The following PTPRN2 variants were observed in gnomAD, a reference collection of about 807,000 sequenced individuals.
The protein encoded by PTPRN2 is protein tyrosine phosphatase receptor type N2.
Under a neutral mutation model 118.8 loss-of-function variants are expected in PTPRN2, and 74 were observed. The observed-to-expected ratio is 0.62, with a 90% CI of 0.52 to 0.76. PTPRN2 has a LOEUF of 0.76. Ranked by LOEUF, PTPRN2 falls within the 30% of genes least tolerant of loss-of-function variation. The probability of loss-of-function intolerance (pLI) is 0.00; values close to 1 mark genes in which losing one functional copy is unlikely to be tolerated. For missense variants in PTPRN2, 1,481 were observed against 1,394.4 expected (o/e 1.06, Z -0.99); for synonymous variants, 641 against 608.0 (o/e 1.05, Z -0.80).
At chr7:158,302,661 C>T (rs184581750) in intron 3 of PTPRN2, among the ~76,000 whole-genome samples, 6 of 152,336 alleles carry the variant, frequency 3.9e-5, no homozygotes, top group African/African-American at 9.6e-5. Context: ...TAAGATGGCA[C>T]GACTCACACG....
At chr7:158,109,197 C>T (rs930783429) in intron 10 of PTPRN2, among the ~76,000 whole-genome samples, 1 of 151,634 alleles carries the variant, frequency 6.6e-6, no homozygotes, top group Non-Finnish European at 1.5e-5. Context: ...TGACATCACC[C>T]CTGTGTGAAG....
intron 3 of PTPRN2, among the ~76,000 whole-genome samples, chr7:158,232,888 T>C (rs949100564): frequency 6.6e-6 from 1 of 152,124 alleles, no homozygotes; most frequent in Non-Finnish European, 1.5e-5. Context: ...CCCTTTATGA[T>C]AAAACACTCA....
intron 11 of PTPRN2, among the ~76,000 whole-genome samples, chr7:157,965,608 C>T (rs1801868528): frequency 6.6e-6 from 1 of 152,216 alleles, no homozygotes; most frequent in Non-Finnish European, 1.5e-5. Flanking sequence ...TGGCCCAGTG[C>T]CATGAGAACT....
At chr7:158,506,762 G>A (rs575502813) in intron 1 of PTPRN2, among the ~76,000 whole-genome samples, 37 of 151,890 alleles carry the variant, frequency 2.4e-4, no homozygotes, top group African/African-American at 6.5e-4. Flanking sequence ...ATGACAAGGC[G>A]GATGCCGGGG....
chr7:157,653,834 C>A (rs1805843601), intron 14 of PTPRN2, among the ~76,000 whole-genome samples: 1 of 149,000 alleles, frequency 6.7e-6, no homozygotes. Context: ...CACACGACGC[C>A]CGCCACTCCC....
chr7:157,982,392 G>A (rs1803323728), intron 11 of PTPRN2, among the ~76,000 whole-genome samples: 1 of 140,694 alleles, frequency 7.1e-6, no homozygotes, highest in Non-Finnish European at 1.5e-5. Flanking sequence ...GGAATGCAGA[G>A]TGCAGGGTCC....
chr7:157,555,928 G>A (rs930734536), intron 21 of PTPRN2, among the ~76,000 whole-genome samples: 4 of 152,198 alleles, frequency 2.6e-5, no homozygotes, highest in Non-Finnish European at 5.9e-5. Flanking sequence ...CCCAGGCTGC[G>A]ATGTTTCTGC....
At chr7:158,345,067 G>A (rs1320521295) in intron 2 of PTPRN2, among the ~76,000 whole-genome samples, 1 of 152,138 alleles carries the variant, frequency 6.6e-6, no homozygotes, top group African/African-American at 2.4e-5. Flanking sequence ...ATAAAATGTT[G>A]GGCCCCAGTG....
chr7:158,383,124 G>A (rs1032837589), intron 2 of PTPRN2, among the ~76,000 whole-genome samples: 3 of 152,160 alleles, frequency 2.0e-5, no homozygotes, highest in African/African-American at 4.8e-5. Context: ...ATTAACACAT[G>A]AGGGGCCCTG....
intron 12 of PTPRN2, among the ~76,000 whole-genome samples, chr7:157,896,307 A>G (rs1797112601): frequency 6.6e-6 from 1 of 152,110 alleles, no homozygotes. Context: ...CCTGGACATT[A>G]CAAGTGCCCA....
In PTPRN2 at chr7:157,889,288, C is replaced by T. The variant is rs572359412; in HGVS notation, c.1788+9385G>A. On this transcript the variant is annotated intron_variant, in intron 12 of 22. Transcript: ENST00000389418. ...AGGCTTCCTTCCCTGGGTTCAGACC[C>T]GCCTGGTTACCGCCCCCCTCTCAAC... Among the ~76,000 whole-genome samples the T allele has an allele frequency of 3.3e-3, 496 of 151,454 alleles. 1 individual carries two copies. The highest frequency in any genetic ancestry group is 5.5e-3 in the Non-Finnish European group (372 of 67,900).
chr7:157,785,055 G>A lies in PTPRN2; in HGVS notation c.1789-102118C>T, dbSNP rs1803939745. ...TCCACTTGTAACGGCTGTTACAGCC[G>A]CTGTTTCATCGCGTCGTCATAGGAG... On this transcript the variant is annotated intron_variant, in intron 12 of 22. Transcript: ENST00000389418. The surrounding 1 kb of genome is among the most constrained non-coding windows in gnomAD (Gnocchi z 7.3). Among the ~76,000 whole-genome samples the A allele has an allele frequency of 6.6e-6, 1 of 152,038 alleles. No individual in the cohort carries two copies. Among genetic ancestry groups the A allele is most frequent in the Admixed American group, 6.5e-5 (1 of 15,276 alleles).
At chr7:158,331,760 C>G (rs1304840243) in intron 2 of PTPRN2, among the ~76,000 whole-genome samples, 1 of 151,028 alleles carries the variant, frequency 6.6e-6, no homozygotes, top group Admixed American at 6.6e-5. Flanking sequence ...CTCAAACTCA[C>G]ACTCTCACCA....
At chr7:157,683,751 C>T (rs1797026368) in intron 12 of PTPRN2, among the ~76,000 whole-genome samples, 2 of 152,088 alleles carry the variant, frequency 1.3e-5, no homozygotes, top group African/African-American at 2.4e-5. Flanking sequence ...AATAGTTGCA[C>T]GGCTCTCCCC....
intron 11 of PTPRN2, among the ~76,000 whole-genome samples, chr7:158,055,552 C>T (rs909094903): frequency 1.3e-4 from 20 of 152,180 alleles, no homozygotes; most frequent in South Asian, 4.1e-4. Flanking sequence ...GCTCCTAGTC[C>T]GCCTTCATGT....
At chr7:157,754,643 G>T (rs1413050697) in intron 12 of PTPRN2, among the ~76,000 whole-genome samples, 3 of 150,658 alleles carry the variant, frequency 2.0e-5, no homozygotes, top group Non-Finnish European at 4.4e-5. Flanking sequence ...TGCCCAGTCT[G>T]GGGGGGCCCT....
chr7:158,281,190 G>A (rs1799400896), intron 3 of PTPRN2, among the ~76,000 whole-genome samples: 1 of 152,200 alleles, frequency 6.6e-6, no homozygotes, highest in South Asian at 2.1e-4. Context: ...TTGGGAGAGT[G>A]AGGCAGGAGA....
At chr7:157,792,863 C>T (rs1369971821) in intron 12 of PTPRN2, among the ~76,000 whole-genome samples, 2 of 152,142 alleles carry the variant, frequency 1.3e-5, no homozygotes, top group Admixed American at 6.5e-5. Context: ...TGTGTGCAAT[C>T]GATGGGCACT....
chr7:158,464,776 A>T (rs998672992), intron 2 of PTPRN2, among the ~76,000 whole-genome samples: 3 of 151,566 alleles, frequency 2.0e-5, no homozygotes, highest in African/African-American at 7.3e-5. Flanking sequence ...CATCACCATC[A>T]TCATCCTTAC....
Sources: gnomAD v4.1 joint callset for allele counts (sites outside exome capture counted in the v4.1 genomes callset) on GRCh38, gnomAD v4.1.1 for gene constraint, Gnocchi (gnomAD v3.1) non-coding constraint, MANE v1.5 for transcripts, NCBI Gene and HGNC (gene_info 2026-07-23, HGNC 2026-07-21) for gene names.